SHROOM4: variants seen among roughly 807,000 people sequenced by gnomAD.
The protein encoded by SHROOM4 is protein Shroom4.
A neutral mutation model predicts 80.3 loss-of-function variants in SHROOM4; 17 were observed. The observed-to-expected ratio is 0.21, with a 90% CI of 0.14 to 0.32. The LOEUF (loss-of-function observed/expected upper bound fraction) is 0.32, where lower values mean the gene tolerates loss of function less well. Ranked by LOEUF, SHROOM4 falls within the 10% of genes least tolerant of loss-of-function variation. The probability of loss-of-function intolerance (pLI) is 1.00; values close to 1 mark genes in which losing one functional copy is unlikely to be tolerated. For missense variants in SHROOM4, 993 were observed against 1,140.3 expected (o/e 0.87, Z 1.86); for synonymous variants, 400 against 437.5 (o/e 0.91, Z 1.07).
intron 1 of SHROOM4, among the ~76,000 whole-genome samples, chrX:50,708,598 G>A (rs933134422): frequency 2.7e-5 from 3 of 112,053 alleles, no homozygotes; most frequent in Non-Finnish European, 5.6e-5. Flanking sequence ...TCACAATTGC[G>A]TGCTCAAAAA....
chrX:50,662,672 C>T (rs1307835676), intron 2 of SHROOM4, among the ~76,000 whole-genome samples: 1 of 111,766 alleles, frequency 8.9e-6, no homozygotes, highest in Non-Finnish European at 1.9e-5. Context: ...TATCATTATC[C>T]CCATTTTACA....
At chrX:50,621,845 G>A (rs1489242012) in intron 5 of SHROOM4, among the ~76,000 whole-genome samples, 2 of 111,282 alleles carry the variant, frequency 1.8e-5, no homozygotes, top group Non-Finnish European at 3.8e-5. Context: ...ACTCTGTACC[G>A]GGTATTTCAC....
chrX:50,813,935 AC>A lies in SHROOM4; in HGVS notation c.83del (p.Gly28ValfsTer25). 1 of 1,202,459 alleles carries A rather than the reference AC, an allele frequency of 8.3e-7. No homozygotes were observed. The highest frequency in any genetic ancestry group is 1.1e-6 in the Non-Finnish European group (1 of 890,226). On this transcript the variant is annotated frameshift_variant, in exon 1 of 9. Transcript: ENST00000376020. LOFTEE classifies it high-confidence loss of function. ...GAPWGFTLKG[G>X]LEHCEPLTVS... ...CTGTGAGCGGCTCACAGTGTTCCAG[AC>A]CCCCCTTAAGGGTGAAGCCCCAGGG...
chrX:50,606,145 TA>T (rs1242155016), intron 6 of SHROOM4, among the ~76,000 whole-genome samples: 3 of 108,231 alleles, frequency 2.8e-5, no homozygotes, highest in African/African-American at 1.0e-4. Context: ...GTTAGTTACA[TA>T]TGTATACATG....
intron 1 of SHROOM4, among the ~76,000 whole-genome samples, chrX:50,778,291 C>A (rs1305834514): frequency 1.8e-5 from 2 of 112,443 alleles, no homozygotes; most frequent in Non-Finnish European, 3.8e-5. Flanking sequence ...AAGTGTTCAA[C>A]ATGTTTTGCT....
At chrX:50,749,749 G>A (rs1357120194) in intron 1 of SHROOM4, among the ~76,000 whole-genome samples, 1 of 111,861 alleles carries the variant, frequency 8.9e-6, no homozygotes, top group Non-Finnish European at 1.9e-5. Flanking sequence ...GGGTTGGCTA[G>A]GGCATAAGAT....
chrX:50,603,071 T>G (rs1490742340), intron 6 of SHROOM4, among the ~76,000 whole-genome samples: 3 of 111,812 alleles, frequency 2.7e-5, no homozygotes, highest in Non-Finnish European at 5.6e-5. Flanking sequence ...GATAATTTGG[T>G]TTGGTCATTA....
At chrX:50,721,960 G>A (rs1934123693) in intron 1 of SHROOM4, among the ~76,000 whole-genome samples, 1 of 110,588 alleles carries the variant, frequency 9.0e-6, no homozygotes, top group African/African-American at 3.3e-5. Context: ...CTGGCTGGGG[G>A]TGGTGGAGAG....
Position 50,725,182 on chromosome X carries a change from G to T in SHROOM4, c.118-29245C>A, listed in dbSNP as rs962624816. Among the ~76,000 whole-genome samples, 5 of 111,911 alleles carry T rather than the reference G, an allele frequency of 4.5e-5. No homozygotes were observed. In the South Asian group the frequency reaches 1.9e-3, roughly 42 times the overall value. ...AGTCAAGACTAAGACCCAGGCTAAG[G>T]TTATTCTAGGATTTCACCCCAGAAG... is the stretch of plus-strand genomic sequence containing the variant. On this transcript the variant is annotated intron_variant, in intron 1 of 8. Coordinates refer to ENST00000376020, the MANE Select transcript of SHROOM4 (RefSeq NM_020717.5).
At position 50,634,425 on chromosome X, in the gene SHROOM4, T is replaced by C; in HGVS notation, c.1648A>G (p.Thr550Ala). 8.3e-7 allele frequency: 1 copy of C among 1,211,532 alleles called. No homozygotes were observed. The highest frequency in any genetic ancestry group is 1.7e-5 in the African/African-American group (1 of 57,821). ...CTGTCCCCTTCTTCACCTGCCTCTG[T>C]GCCACTAGCTGCTTTAGTGGTTGAA... The part of the protein sequence containing the change: ...CSSTTKAASG[T>A]EAGEEGDSEP... Residue 550 changes from threonine (T) to alanine (A), a missense_variant, in exon 4 of 9, where the codon ACA (threonine) becomes GCA (alanine). By Grantham distance (58) the Thr-to-Ala change is moderately conservative (BLOSUM62 0). Coordinates refer to ENST00000376020, the MANE Select transcript of SHROOM4 (RefSeq NM_020717.5).
intron 6 of SHROOM4, among the ~76,000 whole-genome samples, chrX:50,605,134 A>G (rs1239896500): frequency 8.9e-6 from 1 of 112,062 alleles, no homozygotes; most frequent in Non-Finnish European, 1.9e-5. Flanking sequence ...ATCTTCTTCA[A>G]GAGCCCAGAG....
At chrX:50,786,890 A>G (rs1345673685) in intron 1 of SHROOM4, among the ~76,000 whole-genome samples, 2 of 111,581 alleles carry the variant, frequency 1.8e-5, no homozygotes, top group Admixed American at 1.9e-4. Context: ...TGAACAAAGT[A>G]AAAATTTCAA....
intron 1 of SHROOM4, among the ~76,000 whole-genome samples, chrX:50,732,397 A>C (rs1384094193): frequency 1.1e-3 from 127 of 112,085 alleles, no homozygotes; most frequent in Non-Finnish European, 3.9e-4. Context: ...AGAGTACACT[A>C]AACTCAAATC....
chrX:50,720,356 A>G (rs782596130), intron 1 of SHROOM4, among the ~76,000 whole-genome samples: 2 of 111,698 alleles, frequency 1.8e-5, no homozygotes, highest in Non-Finnish European at 3.8e-5. Flanking sequence ...CCCCAAGAAG[A>G]CAGGTAAACA....
intron 1 of SHROOM4, among the ~76,000 whole-genome samples, chrX:50,744,144 T>C (rs1169040524): frequency 8.9e-6 from 1 of 111,953 alleles, no homozygotes; most frequent in Non-Finnish European, 1.9e-5. Context: ...TTTAGATTAA[T>C]GTCTTTCATC....
chrX:50,727,814 G>C (rs184871943), intron 1 of SHROOM4, among the ~76,000 whole-genome samples: 1 of 111,851 alleles, frequency 8.9e-6, no homozygotes, highest in African/African-American at 3.2e-5. Context: ...CATATAATAG[G>C]GGTGTCAATC....
intron 1 of SHROOM4, among the ~76,000 whole-genome samples, chrX:50,781,287 C>A (rs1461607464): frequency 9.0e-6 from 1 of 111,494 alleles, no homozygotes; most frequent in Non-Finnish European, 1.9e-5. Context: ...ATCCCTTAGC[C>A]CAGTCAAGTT....
intron 5 of SHROOM4, among the ~76,000 whole-genome samples, chrX:50,623,690 T>TA (rs1319103632): frequency 9.0e-6 from 1 of 110,866 alleles, no homozygotes; most frequent in African/African-American, 3.3e-5. Context: ...CAAAGATAAT[T>TA]AAAAACATAA....
In SHROOM4 at chrX:50,607,918, T is replaced by C. The variant is rs898354431; in HGVS notation, c.3224A>G (p.Gln1075Arg). Residue 1075 changes from glutamine to arginine, a missense_variant, in exon 6 of 9, where the codon CAG becomes CGG. By Grantham distance (43) the Gln-to-Arg change is conservative. Transcript: ENST00000376020. The part of the protein sequence containing the change: ...LAPQSTRAWG[Q>R]HRRELFSKGD... ...TTTGCTAAAGAGCTCCCTCCTATGC[T>C]GCCCCCAGGCCCGGGTGCTTTGGGG... 1.7e-6 allele frequency: 2 copies of C among 1,211,895 alleles called. No individual in the cohort carries two copies. The highest frequency in any genetic ancestry group is 2.2e-6 in the Non-Finnish European group (2 of 895,522).
Sources: gnomAD v4.1 joint callset for allele counts (sites outside exome capture counted in the v4.1 genomes callset) on GRCh38, gnomAD v4.1.1 for gene constraint, MANE v1.5 for transcripts, NCBI Gene and HGNC (gene_info 2026-07-23, HGNC 2026-07-21) for gene names.